Variants in SETX observed in about 807,000 individuals in gnomAD.
SETX encodes senataxin, also known as helicase senataxin.
A neutral mutation model predicts 227.2 loss-of-function variants in SETX; 90 were observed. That is an observed-to-expected ratio of 0.40 (90% CI 0.33 to 0.47). SETX has a LOEUF of 0.47. Among genes scored for constraint, SETX ranks in the 20% least tolerant of loss-of-function variants. The probability of loss-of-function intolerance (pLI) is 0.91; values close to 1 mark genes in which losing one functional copy is unlikely to be tolerated. For synonymous variants in SETX, 1,210 were observed against 1,113.2 expected (o/e 1.09, Z -1.73); for missense variants, 3,052 against 3,181.5 (o/e 0.96, Z 0.98).
intron 10 of SETX, among the ~76,000 whole-genome samples, chr9:132,315,117 T>C (rs1484638479): frequency 6.6e-6 from 1 of 151,946 alleles, no homozygotes; most frequent in Non-Finnish European, 1.5e-5. Context: ...TTCACCAAAG[T>C]TGGCCAGGCT....
At position 132,336,354 on chromosome 9, in the gene SETX, T is replaced by G; in HGVS notation, c.660A>C (p.Lys220Asn). Residue 220 changes from lysine to asparagine, a missense_variant, in exon 6 of 26, where the codon AAA (lysine) becomes AAC (asparagine). Around this residue, in one of 10 missense-constraint regions of SETX, gnomAD observed 239 missense variants for 240.8 expected, o/e 0.99. Transcript: ENST00000224140. ...ACATGTGTGAGGGCAGAAGAATCAG[T>G]TTACCCTTCTCTAGGACAGAAGAAG... ...IYTSSVLEKG[K>N]LILLPSHMYD... 1 of 1,614,028 alleles carries G rather than the reference T, an allele frequency of 6.2e-7. No individual in the cohort carries two copies.
At chr9:132,354,816 C>T (rs1437783901) in intron 1 of SETX, 101 bp downstream of exon 1, 3 of 152,402 alleles carry the variant, frequency 2.0e-5, no homozygotes, top group African/African-American at 7.2e-5. Flanking sequence ...CCACCGGGAC[C>T]TAGGCGCCGC....
chr9:132,320,260 A>T (rs1219083621), intron 10 of SETX, among the ~76,000 whole-genome samples: 1 of 152,192 alleles, frequency 6.6e-6, no homozygotes, highest in Non-Finnish European at 1.5e-5. Flanking sequence ...AATAGGATAT[A>T]AACCAAATTT....
At chr9:132,265,795 G>A (rs1207797055) in intron 25 of SETX, among the ~76,000 whole-genome samples, 1 of 152,050 alleles carries the variant, frequency 6.6e-6, no homozygotes, top group African/African-American at 2.4e-5. Flanking sequence ...CAGGGCTAAC[G>A]TTCTGAAACA....
chr9:132,356,051 A>G (rs1315372557), upstream of SETX, among the ~76,000 whole-genome samples: 6 of 150,564 alleles, frequency 4.0e-5, no homozygotes, highest in African/African-American at 1.2e-4. Flanking sequence ...AGGCTGAGGC[A>G]GGGGGTGGAT....
intron 10 of SETX, among the ~76,000 whole-genome samples, chr9:132,322,826 A>G (rs1163523790): frequency 1.4e-5 from 1 of 70,840 alleles, no homozygotes; most frequent in Non-Finnish European, 2.8e-5. Context: ...AAAAACTTTT[A>G]GCTAACTTTA....
At chr9:132,266,860 TA>T (rs1002829422) in intron 25 of SETX, among the ~76,000 whole-genome samples, 2 of 152,242 alleles carry the variant, frequency 1.3e-5, no homozygotes, top group African/African-American at 4.8e-5. Flanking sequence ...TAGCAAATGC[TA>T]AATTGCCAAC....
intron 10 of SETX, among the ~76,000 whole-genome samples, chr9:132,321,801 T>G (rs996283758): frequency 6.6e-6 from 1 of 151,562 alleles, no homozygotes; most frequent in African/African-American, 2.4e-5. Flanking sequence ...TGAGCCGAGA[T>G]CGTGCCACTG....
At chr9:132,325,993 C>T (rs540088728) in intron 10 of SETX, among the ~76,000 whole-genome samples, 1 of 150,366 alleles carries the variant, frequency 6.7e-6, no homozygotes, top group East Asian at 2.0e-4. Flanking sequence ...CAGTGGCTGG[C>T]ACAAATGTCT....
At chr9:132,313,186 A>T (rs906032689) in intron 10 of SETX, among the ~76,000 whole-genome samples, 3 of 152,162 alleles carry the variant, frequency 2.0e-5, no homozygotes, top group African/African-American at 2.4e-5. Flanking sequence ...AAATTTACTT[A>T]AAAAAACCAT....
intron 10 of SETX, among the ~76,000 whole-genome samples, chr9:132,325,024 G>T (rs927310956): frequency 6.6e-6 from 1 of 152,204 alleles, no homozygotes; most frequent in African/African-American, 2.4e-5. Context: ...ATGTGCTGGG[G>T]TTGGGGAGGC....
intron 24 of SETX, among the ~76,000 whole-genome samples, chr9:132,270,225 CAAT>C (rs1842837310): frequency 8.7e-6 from 1 of 114,782 alleles, no homozygotes; most frequent in African/African-American, 3.4e-5. Context: ...GTGGACTCTA[CAAT>C]GACTCAGTAT....
In SETX at chr9:132,327,638, A is replaced by T. The variant is rs1489108059; in HGVS notation, c.3960T>A (p.Val1320=). The T allele has an allele frequency of 1.9e-6, 3 of 1,613,884 alleles. No homozygotes were observed. Among genetic ancestry groups the T allele is most frequent in the Non-Finnish European group, 2.5e-6 (3 of 1,179,986 alleles). Residue 1320 remains valine, a synonymous_variant, in exon 10 of 26, where the codon GTT becomes GTA. Coordinates refer to ENST00000224140, the MANE Select transcript of SETX (RefSeq NM_015046.7). ...LRDHGKTVGV[V]DTRKKTKLIS... is the part of the protein sequence containing the mutation. ...TTAATTTAGTCTTTTTTCGGGTATC[A>T]ACTACTCCAACAGTTTTGCCATGAT...
At chr9:132,276,458 A>T (rs1294204606) in intron 22 of SETX, among the ~76,000 whole-genome samples, 5 of 152,178 alleles carry the variant, frequency 3.3e-5, no homozygotes, top group Non-Finnish European at 4.4e-5. Context: ...CATGATGTAG[A>T]AGTGGGATTT....
chr9:132,278,445 T>G, intron 20 of SETX, among the ~76,000 whole-genome samples, 188 bp from the exon 21 acceptor site: 1 of 41,318 alleles, frequency 2.4e-5, no homozygotes, highest in East Asian at 2.8e-3. Context: ...ATCTTTTTTT[T>G]TTTTTTTTTT....
intron 5 of SETX, among the ~76,000 whole-genome samples, chr9:132,337,582 C>A (rs995213096): frequency 1.3e-5 from 2 of 152,084 alleles, no homozygotes; most frequent in Admixed American, 6.5e-5. Flanking sequence ...TGGAAAAACA[C>A]AGACCCCACA....
At chr9:132,276,460 G>A (rs1843166363) in intron 22 of SETX, among the ~76,000 whole-genome samples, 1 of 152,180 alleles carries the variant, frequency 6.6e-6, no homozygotes, top group African/African-American at 2.4e-5. Context: ...TGATGTAGAA[G>A]TGGGATTTGT....
At position 132,272,414 on chromosome 9, in the gene SETX, G is replaced by T. The variant is rs866004004; in HGVS notation, c.7101-606C>A. On this transcript the variant is annotated intron_variant, in intron 23 of 25. Transcript: ENST00000224140. ...TCCTTCCACCTCACCCACCCAAAAT[G>T]TTAGGATTATAGATGTGAGCCACCA... 2.6e-5 allele frequency among the ~76,000 whole-genome samples: 4 copies of T among 151,742 alleles called. No homozygotes were observed. In the Middle Eastern group the frequency reaches 0.01, roughly 387 times the overall value.
chr9:132,344,957 A>G (rs548752813), intron 4 of SETX, among the ~76,000 whole-genome samples: 3 of 152,322 alleles, frequency 2.0e-5, no homozygotes, highest in Admixed American at 6.5e-5. Flanking sequence ...TGAAATGCAA[A>G]TATCAACAAC....
Sources: allele counts gnomAD v4.1 joint callset (sites outside exome capture counted in the v4.1 genomes callset), GRCh38; gene constraint gnomAD v4.1.1; regional missense constraint gnomAD v4.1.1; transcripts MANE v1.5; gene names NCBI Gene and HGNC (gene_info 2026-07-23, HGNC 2026-07-21).